The following KASH5 variants were observed in gnomAD, a reference collection of about 807,000 sequenced individuals.
KASH5 encodes the protein protein KASH5.
Under a neutral mutation model 84.2 loss-of-function variants are expected in KASH5, and 72 were observed. The ratio of observed to expected loss-of-function variants is 0.85; its 90% CI spans 0.71 to 1.04. The LOEUF is 1.04. Ranked by LOEUF, KASH5 falls within the 50% of genes least tolerant of loss-of-function variation. KASH5 has a pLI of 0.00. For synonymous variants in KASH5, 260 were observed against 279.1 expected (o/e 0.93, Z 0.68); for missense variants, 650 against 701.0 (o/e 0.93, Z 0.82).
intron 3 of KASH5, 158 bp downstream of exon 3, chr19:49,394,738 G>A (rs770658167): frequency 1.8e-5 from 11 of 621,588 alleles, no homozygotes; most frequent in South Asian, 3.8e-5. Flanking sequence ...GAAGAAGAAC[G>A]TGGATAATGG....
In KASH5 at chr19:49,395,086, C is replaced by T. The variant is rs1039108027; in HGVS notation, c.149-20C>T. 10 of 1,585,150 alleles carry T rather than the reference C, an allele frequency of 6.3e-6. No homozygotes were observed. In the Admixed American group the frequency reaches 9.1e-5, roughly 14 times the overall value. On this transcript the variant is annotated intron_variant, in intron 3 of 19. Transcript: ENST00000447857. This position sits in a 1 kb window ranked among gnomAD's most constrained non-coding sequence, Gnocchi z 4.4. ...ACTCCCCACCTGCCCCAGACCCCCT[C>T]ACTGCATGCTCTGTCACAGGCACTG...
At chr19:49,398,692 ACT>A (rs34111470) in intron 7 of KASH5, among the ~76,000 whole-genome samples, 7 of 151,284 alleles carry the variant, frequency 4.6e-5, no homozygotes, top group Admixed American at 2.0e-4. Flanking sequence ...TTATTCTTTA[ACT>A]CTCTGATTCT....
At chr19:49,401,688 C>G (rs1974364813) in intron 9 of KASH5, among the ~76,000 whole-genome samples, 1 of 152,228 alleles carries the variant, frequency 6.6e-6, no homozygotes, top group South Asian at 2.1e-4. Flanking sequence ...CTATTCTCTT[C>G]TCTGTCTGTC....
At chr19:49,415,367 A>T in intron 17 of KASH5, 1 of 343,732 alleles carries the variant, frequency 2.9e-6, no homozygotes, top group South Asian at 2.6e-5. Flanking sequence ...CAGCCTCAGA[A>T]CTCCCTGGGG....
intron 17 of KASH5, 121 bp downstream of exon 17, chr19:49,415,117 A>C (rs1285547577): frequency 2.0e-6 from 2 of 987,970 alleles, no homozygotes; most frequent in African/African-American, 1.6e-5. Context: ...CAGAGAGAAA[A>C]ATCATTTGGC....
intron 1 of KASH5, among the ~76,000 whole-genome samples, chr19:49,388,692 C>CAA (rs947198504): frequency 4.5e-5 from 4 of 88,218 alleles, no homozygotes; most frequent in Admixed American, 1.3e-4. Flanking sequence ...GACTCCGTCT[C>CAA]AAAAAAAAAA....
At chr19:49,397,324 TG>T (rs1158152329) in intron 5 of KASH5, among the ~76,000 whole-genome samples, 1 of 151,502 alleles carries the variant, frequency 6.6e-6, no homozygotes, top group African/African-American at 2.4e-5. Context: ...TCTGCTGGAC[TG>T]GGGGTGACAG....
rs1310940339 is a variant in KASH5 at position 49,412,850 on chromosome 19, G to C, written c.1270-118G>C. 2 of 927,866 alleles carry C rather than the reference G, an allele frequency of 2.2e-6. No individual in the cohort carries two copies. The highest frequency in any genetic ancestry group is 3.4e-6 in the Non-Finnish European group (2 of 594,778). 57.5% of individuals were successfully genotyped at this position (927,866 alleles called of 1,614,324 possible). A position where few individuals can be genotyped will look rare whatever the true frequency, so the allele number is the denominator to read the frequency against. Reference sequence around the variant, plus strand: ...GTGGTGAATTCATGTGTAGGTTGCAGCCTGGAAGACCTTTTGTATATGGGG... The same window carrying C: ...GTGGTGAATTCATGTGTAGGTTGCACCCTGGAAGACCTTTTGTATATGGGG... On this transcript the variant is annotated intron_variant, in intron 15 of 19. Transcript: ENST00000447857. The surrounding 1 kb of genome is among the most constrained non-coding windows in gnomAD (Gnocchi z 4.6).
At chr19:49,391,047 G>A in intron 2 of KASH5, 121 bp downstream of exon 2, 1 of 1,124,742 alleles carries the variant, frequency 8.9e-7, no homozygotes, top group African/African-American at 1.6e-5. Flanking sequence ...GCCTTTGCAT[G>A]GGTGCAGAGT....
intron 12 of KASH5, 122 bp downstream of exon 12, chr19:49,407,793 C>G: frequency 2.2e-6 from 2 of 920,778 alleles, no homozygotes; most frequent in East Asian, 5.2e-5. Context: ...TTCTTCCATC[C>G]TTGATGTATG....
At chr19:49,398,760 G>A (rs1974267939) in intron 7 of KASH5, among the ~76,000 whole-genome samples, 1 of 151,918 alleles carries the variant, frequency 6.6e-6, no homozygotes, top group Non-Finnish European at 1.5e-5. Context: ...TGTTTATCGT[G>A]GTCTCCCTGT....
At chr19:49,396,175 C>T (rs899739326) in intron 5 of KASH5, among the ~76,000 whole-genome samples, 1 of 152,060 alleles carries the variant, frequency 6.6e-6, no homozygotes, top group African/African-American at 2.4e-5. Context: ...GAATGTGCCC[C>T]ACTTCTGCCC....
chr19:49,396,807 C>T (rs189327659), intron 5 of KASH5, among the ~76,000 whole-genome samples: 93 of 152,204 alleles, frequency 6.1e-4, no homozygotes, highest in Admixed American at 1.2e-3. Flanking sequence ...GCCTGTAATC[C>T]CAGCATTTTA....
Position 49,417,572 on chromosome 19 carries a change from C to A in KASH5, c.*62C>A. 4 of 1,455,910 alleles carry A rather than the reference C, an allele frequency of 2.7e-6. No homozygotes were observed. The highest frequency in any genetic ancestry group is 3.6e-6 in the Non-Finnish European group (4 of 1,099,724). 90.2% of individuals were successfully genotyped at this position (1,455,910 alleles called of 1,614,324 possible). A position where few individuals can be genotyped will look rare whatever the true frequency, so the allele number is the denominator to read the frequency against. On this transcript the variant is annotated 3_prime_UTR_variant, in exon 20 of 20. Transcript: ENST00000447857. This position sits in a 1 kb window ranked among gnomAD's most constrained non-coding sequence, Gnocchi z 5.2. ...AATAAATCCCCTGGCCCTCTCTCCA[C>A]TGGGATCCCCATTGTTAGTCCACTG...
In KASH5 at chr19:49,397,700, A is replaced by C; in HGVS notation, c.450A>C (p.Glu150Asp). 1 of 1,613,682 alleles carries C rather than the reference A, an allele frequency of 6.2e-7. No individual in the cohort carries two copies. The highest frequency in any genetic ancestry group is 8.5e-7 in the Non-Finnish European group (1 of 1,179,778). ...EPANLESFGG[E>D]DPRPELQATA... is the part of the protein sequence containing the mutation. The stretch of plus-strand genomic sequence containing the variant: ...CCAACCTGGAGAGCTTCGGAGGCGA[A>C]GACCCCAGACCCGAGCTGTACCTAT... Residue 150 changes from glutamate to aspartate, a missense_variant, in exon 6 of 20, where the codon GAA becomes GAC. Glu to Asp is a conservative substitution (Grantham distance 45, BLOSUM62 2). Transcript: ENST00000447857.
chr19:49,395,465 G>A lies in KASH5; in HGVS notation c.335+173G>A, dbSNP rs576511546. ...AGAGGGGGTAGATAGGGAGTCTGAG[G>A]ACAAAATAATTTGGATGAGGAAGCA... On this transcript the variant is annotated intron_variant, in intron 4 of 19. Transcript: ENST00000447857. The surrounding 1 kb of genome is among the most constrained non-coding windows in gnomAD (Gnocchi z 4.4). Among the ~76,000 whole-genome samples the A allele has an allele frequency of 1.3e-5, 2 of 152,334 alleles. No individual in the cohort carries two copies. The highest frequency in any genetic ancestry group is 3.9e-4 in the East Asian group (2 of 5,190).
In KASH5 at chr19:49,399,577, C is replaced by G. The variant is rs776251232; in HGVS notation, c.798+70C>G. On this transcript the variant is annotated intron_variant, in intron 9 of 19. Transcript: ENST00000447857. This position sits in a 1 kb window ranked among gnomAD's most constrained non-coding sequence, Gnocchi z 4.4. ...AAGGTCTTCTTGACACCACTCCCTTCTGCCCCCAACACCCCAGCAGCCTGT... is the reference window on the plus strand; with the variant it reads ...AAGGTCTTCTTGACACCACTCCCTTGTGCCCCCAACACCCCAGCAGCCTGT... 21 of 1,556,430 alleles carry G rather than the reference C, an allele frequency of 1.3e-5. No individual in the cohort carries two copies. Among genetic ancestry groups the G allele is most frequent in the Non-Finnish European group, 1.8e-5 (21 of 1,149,548 alleles).
Position 49,417,249 on chromosome 19 carries a change from G to A in KASH5, c.1530G>A (p.Leu510=). Residue 510 remains leucine, a synonymous_variant, in exon 19 of 20, where the codon CTG becomes CTA. Transcript: ENST00000447857. This position sits in a 1 kb window ranked among gnomAD's most constrained non-coding sequence, Gnocchi z 5.2. ...VRRRAWGQLC[L]PPQRLRVTRH... ...GGAGGGCCTGGGGCCAGCTCTGCCTGCCCCCACAGCGGCTCAGGTGTGCCC... is the reference window on the plus strand; with the variant it reads ...GGAGGGCCTGGGGCCAGCTCTGCCTACCCCCACAGCGGCTCAGGTGTGCCC... 6.2e-7 allele frequency: 1 copy of A among 1,613,138 alleles called. No homozygotes were observed. The highest frequency in any genetic ancestry group is 8.5e-7 in the Non-Finnish European group (1 of 1,179,574).
rs1003101807 is a variant in KASH5, at chr19:49,416,697, T to C, written c.1375-318T>C. 2.7e-4 allele frequency among the ~76,000 whole-genome samples: 41 copies of C among 152,178 alleles called. No individual in the cohort carries two copies. The highest frequency in any genetic ancestry group is 2.1e-3 in the Admixed American group (32 of 15,284). ...ACACAGACATTGAGCACTCACTATG[T>C]ACCAGGCGCTGTCCAAGCTATTGCC... On this transcript the variant is annotated intron_variant, in intron 17 of 19. Coordinates refer to ENST00000447857, the MANE Select transcript of KASH5 (RefSeq NM_144688.5). This position sits in a 1 kb window ranked among gnomAD's most constrained non-coding sequence, Gnocchi z 5.4.
Sources: gnomAD v4.1 joint callset for allele counts (sites outside exome capture counted in the v4.1 genomes callset) on GRCh38, gnomAD v4.1.1 for gene constraint, Gnocchi (gnomAD v3.1) non-coding constraint, MANE v1.5 for transcripts, NCBI Gene and HGNC (gene_info 2026-07-23, HGNC 2026-07-21) for gene names.